The following CPNE4 variants were observed in gnomAD, a reference collection of about 807,000 sequenced individuals.
CPNE4 encodes the protein copine 4.
Under a neutral mutation model 67.9 loss-of-function variants are expected in CPNE4, and 25 were observed. The observed-to-expected ratio is 0.37, with a 90% CI of 0.27 to 0.51. The LOEUF is 0.51. Among genes scored for constraint, CPNE4 ranks in the 20% least tolerant of loss-of-function variants. The probability of loss-of-function intolerance (pLI) is 0.93; values close to 1 mark genes in which losing one functional copy is unlikely to be tolerated. For synonymous variants in CPNE4, 242 were observed against 244.9 expected (o/e 0.99, Z 0.11); for missense variants, 464 against 690.8 (o/e 0.67, Z 3.68).
At chr3:131,613,539 G>A (rs1252994806) in intron 7 of CPNE4, among the ~76,000 whole-genome samples, 1 of 152,152 alleles carries the variant, frequency 6.6e-6, no homozygotes, top group Non-Finnish European at 1.5e-5. Context: ...ATAAAGAGGG[G>A]AAAATTGGCA....
At chr3:132,020,854 T>C (rs1016087933) in intron 1 of CPNE4, among the ~76,000 whole-genome samples, 8 of 152,156 alleles carry the variant, frequency 5.3e-5, no homozygotes, top group African/African-American at 1.9e-4. Flanking sequence ...CACGAGGAAG[T>C]CTCAAATGTT....
chr3:131,909,775 T>C (rs996500509), intron 1 of CPNE4, among the ~76,000 whole-genome samples: 1 of 152,196 alleles, frequency 6.6e-6, no homozygotes, highest in African/African-American at 2.4e-5. Context: ...GATTGATACA[T>C]GCAATCACTG....
intron 10 of CPNE4, among the ~76,000 whole-genome samples, chr3:131,573,339 G>C (rs1054257470): frequency 6.6e-6 from 1 of 152,064 alleles, no homozygotes; most frequent in Non-Finnish European, 1.5e-5. Flanking sequence ...GGTGTTGTTG[G>C]TGACAAACAC....
intron 1 of CPNE4, among the ~76,000 whole-genome samples, chr3:131,989,041 T>C (rs1288889095): frequency 1.3e-5 from 2 of 152,242 alleles, no homozygotes; most frequent in African/African-American, 4.8e-5. Flanking sequence ...AAACTGCTTA[T>C]AATTGTGTGC....
At chr3:132,000,551 A>G (rs1267652628) in intron 1 of CPNE4, among the ~76,000 whole-genome samples, 1 of 151,658 alleles carries the variant, frequency 6.6e-6, no homozygotes, top group African/African-American at 2.4e-5. Flanking sequence ...AACGTTAAGG[A>G]CAAACAATAA....
chr3:131,726,872 A>G (rs992529916), intron 2 of CPNE4, among the ~76,000 whole-genome samples: 2 of 152,174 alleles, frequency 1.3e-5, no homozygotes, highest in South Asian at 2.1e-4. Context: ...GGAAATGAGG[A>G]GATGTAGAGT....
At chr3:131,875,246 A>G (rs1415491504) in intron 2 of CPNE4, among the ~76,000 whole-genome samples, 1 of 152,230 alleles carries the variant, frequency 6.6e-6, no homozygotes, top group Non-Finnish European at 1.5e-5. Flanking sequence ...AAATCTTTCA[A>G]CCATTGTGGA....
chr3:131,947,742 G>T (rs775569277), intron 1 of CPNE4, among the ~76,000 whole-genome samples: 1 of 152,128 alleles, frequency 6.6e-6, no homozygotes, highest in Non-Finnish European at 1.5e-5. Flanking sequence ...AATCCTTTGG[G>T]TATATATCCA....
At chr3:131,798,330 T>C (rs1034770919) in intron 2 of CPNE4, among the ~76,000 whole-genome samples, 2 of 152,134 alleles carry the variant, frequency 1.3e-5, no homozygotes, top group African/African-American at 4.8e-5. Flanking sequence ...TTAAGATGTA[T>C]GTGTGGAGAT....
At chr3:131,932,430 T>C (rs2071091216) in intron 1 of CPNE4, among the ~76,000 whole-genome samples, 1 of 152,034 alleles carries the variant, frequency 6.6e-6, no homozygotes, top group Non-Finnish European at 1.5e-5. Flanking sequence ...CATGATTAAG[T>C]GGAACACAAG....
rs1389545245 is a variant in CPNE4, at chr3:131,946,228, T to C, written c.-1-40784A>G. ...ACCACCAATCCACATTCCATCTCTA[T>C]GGATTTCTCTATTCTGAATATTTCA... On this transcript the variant is annotated intron_variant, in intron 1 of 15. Coordinates refer to ENST00000429747, the MANE Select transcript of CPNE4 (RefSeq NM_130808.3). Among the ~76,000 whole-genome samples, 9 of 152,296 alleles carry C rather than the reference T, an allele frequency of 5.9e-5. No homozygotes were observed. The South Asian group carries it at 8.3e-4, about 14-fold the overall frequency.
chr3:131,644,327 T>A (rs1179986626), intron 7 of CPNE4, among the ~76,000 whole-genome samples: 1 of 151,980 alleles, frequency 6.6e-6, no homozygotes, highest in Non-Finnish European at 1.5e-5. Flanking sequence ...TTTTGTATTT[T>A]TATTGGAGAC....
At chr3:131,651,187 T>C (rs569461297) in intron 7 of CPNE4, among the ~76,000 whole-genome samples, 1 of 152,232 alleles carries the variant, frequency 6.6e-6, no homozygotes, top group Non-Finnish European at 1.5e-5. Context: ...CAAAGGGCCT[T>C]CCCCTTTCTT....
At chr3:131,731,062 C>G (rs1043477367) in intron 2 of CPNE4, among the ~76,000 whole-genome samples, 10 of 152,270 alleles carry the variant, frequency 6.6e-5, no homozygotes, top group African/African-American at 2.2e-4. Context: ...TTAAACTGAA[C>G]GAGTGATCCA....
chr3:131,551,480 C>A (rs997464445), intron 13 of CPNE4, among the ~76,000 whole-genome samples: 4 of 151,980 alleles, frequency 2.6e-5, no homozygotes, highest in South Asian at 4.2e-4. Flanking sequence ...GTGGGGGAAA[C>A]CACTCTTACA....
intron 1 of CPNE4, among the ~76,000 whole-genome samples, chr3:132,022,921 GT>G (rs2074028145): frequency 6.6e-6 from 1 of 152,124 alleles, no homozygotes; most frequent in Non-Finnish European, 1.5e-5. Context: ...GGCAATCTGA[GT>G]TCATTGATCA....
chr3:131,762,272 T>TG (rs1206737243), intron 2 of CPNE4, among the ~76,000 whole-genome samples: 1 of 152,032 alleles, frequency 6.6e-6, no homozygotes, highest in East Asian at 1.9e-4. Flanking sequence ...ATCTATTATA[T>TG]GACATGTCTG....
intron 7 of CPNE4, among the ~76,000 whole-genome samples, chr3:131,658,891 AAAC>A (rs905236848): frequency 6.6e-6 from 1 of 152,222 alleles, no homozygotes; most frequent in African/African-American, 2.4e-5. Context: ...CATCTTTTTC[AAAC>A]AACATTCTGG....
chr3:131,982,710 GATTT>G (rs1367764093), intron 1 of CPNE4, among the ~76,000 whole-genome samples: 4 of 152,120 alleles, frequency 2.6e-5, no homozygotes, highest in African/African-American at 7.2e-5. Flanking sequence ...GAAAGATCAA[GATTT>G]ATTTTATTAT....
Sources: allele counts gnomAD v4.1 joint callset (sites outside exome capture counted in the v4.1 genomes callset), GRCh38; gene constraint gnomAD v4.1.1; transcripts MANE v1.5; gene names NCBI Gene and HGNC (gene_info 2026-07-23, HGNC 2026-07-21).